The following B3GALT1 variants were observed in gnomAD, a reference collection of about 807,000 sequenced individuals.
B3GALT1 encodes beta-1,3-galactosyltransferase 1, also known as UDP-Gal:betaGlcNAc beta 1,3-galactosyltransferase, polypeptide 1.
Under a neutral mutation model 23.2 loss-of-function variants are expected in B3GALT1, and 10 were observed. The observed-to-expected ratio is 0.43, with a 90% CI of 0.27 to 0.73. The LOEUF is 0.73. B3GALT1 is among the 30% of genes least tolerant of loss of function. The pLI is 0.21. For missense variants in B3GALT1, 299 were observed against 405.4 expected (o/e 0.74, Z 2.25); for synonymous variants, 156 against 141.5 (o/e 1.10, Z -0.73).
At chr2:167,677,955 T>C (rs1216547687) in intron 3 of B3GALT1, among the ~76,000 whole-genome samples, 2 of 152,142 alleles carry the variant, frequency 1.3e-5, no homozygotes, top group Admixed American at 6.5e-5. Context: ...ACTATCATGA[T>C]AACAGCATGA....
chr2:167,328,959 C>A (rs1006637547), intron 1 of B3GALT1, among the ~76,000 whole-genome samples: 6 of 152,008 alleles, frequency 3.9e-5, no homozygotes, highest in Non-Finnish European at 8.8e-5. Context: ...TCTACAGGGG[C>A]GCACCACCAC....
chr2:167,626,692 AT>A (rs1685353524), intron 2 of B3GALT1, among the ~76,000 whole-genome samples: 1 of 151,828 alleles, frequency 6.6e-6, no homozygotes, highest in African/African-American at 2.4e-5. Context: ...AAAGTTAAAC[AT>A]TGAAAAAATA....
chr2:167,511,667 A>G (rs1270805620), intron 2 of B3GALT1, among the ~76,000 whole-genome samples: 1 of 152,182 alleles, frequency 6.6e-6, no homozygotes, highest in Admixed American at 6.5e-5. Context: ...TTTTTTTTTA[A>G]TTAGGAAAGT....
chr2:167,451,430 T>C (rs1448761572), intron 1 of B3GALT1, among the ~76,000 whole-genome samples: 1 of 152,166 alleles, frequency 6.6e-6, no homozygotes. Context: ...GGATGTGGCT[T>C]CCTGACAGGT....
chr2:167,844,787 C>T (rs1458316124), intron 4 of B3GALT1, among the ~76,000 whole-genome samples: 1 of 152,182 alleles, frequency 6.6e-6, no homozygotes, highest in Non-Finnish European at 1.5e-5. Flanking sequence ...TGTGCAGACT[C>T]CACAGGCAGG....
chr2:167,408,816 A>G (rs1283952086), intron 1 of B3GALT1, among the ~76,000 whole-genome samples: 1 of 151,352 alleles, frequency 6.6e-6, no homozygotes, highest in Admixed American at 6.6e-5. Flanking sequence ...AAAAAAAACA[A>G]AAGACAAACA....
At chr2:167,487,371 C>T (rs1314436880) in intron 1 of B3GALT1, among the ~76,000 whole-genome samples, 3 of 152,130 alleles carry the variant, frequency 2.0e-5, no homozygotes, top group African/African-American at 2.4e-5. Flanking sequence ...CATTCCAAAG[C>T]GTATTTTTGA....
At chr2:167,470,080 A>G in intron 1 of B3GALT1, among the ~76,000 whole-genome samples, 1 of 152,172 alleles carries the variant, frequency 6.6e-6, no homozygotes, top group East Asian at 1.9e-4. Context: ...ATCCTGATAT[A>G]TATCTGTGAG....
chr2:167,652,434 AGCAT>A (rs1685884693), intron 3 of B3GALT1, among the ~76,000 whole-genome samples: 1 of 152,238 alleles, frequency 6.6e-6, no homozygotes, highest in South Asian at 2.1e-4. Flanking sequence ...ACAAGCTTGC[AGCAT>A]TGTGAGAATT....
intron 1 of B3GALT1, among the ~76,000 whole-genome samples, chr2:167,406,183 T>C (rs1473362697): frequency 6.6e-6 from 1 of 152,022 alleles, no homozygotes; most frequent in Non-Finnish European, 1.5e-5. Flanking sequence ...TAGAAATAAA[T>C]GTGAAGGGCA....
At chr2:167,477,475 T>C (rs994536813) in intron 1 of B3GALT1, among the ~76,000 whole-genome samples, 1 of 152,176 alleles carries the variant, frequency 6.6e-6, no homozygotes, top group Non-Finnish European at 1.5e-5. Context: ...ATTAGGTGAT[T>C]AGACAGAAGA....
chr2:167,784,831 A>G (rs1479857739), intron 3 of B3GALT1, among the ~76,000 whole-genome samples: 2 of 152,262 alleles, frequency 1.3e-5, no homozygotes, highest in Non-Finnish European at 2.9e-5. Flanking sequence ...TGATAAGAAT[A>G]GAAAAGACCC....
intron 2 of B3GALT1, among the ~76,000 whole-genome samples, chr2:167,563,898 G>A (rs1261925774): frequency 2.1e-3 from 6 of 2,812 alleles, no homozygotes; most frequent in African/African-American, 6.4e-3. Flanking sequence ...CGGCCGGCCG[G>A]GCGGGGCCGA....
intron 4 of B3GALT1, among the ~76,000 whole-genome samples, chr2:167,861,124 G>A (rs1434249110): frequency 6.6e-6 from 1 of 152,156 alleles, no homozygotes; most frequent in African/African-American, 2.4e-5. Context: ...AAACCATCAT[G>A]ATTTCAAGTA....
intron 1 of B3GALT1, among the ~76,000 whole-genome samples, chr2:167,318,153 C>T (rs1696748097): frequency 6.6e-6 from 1 of 151,756 alleles, no homozygotes; most frequent in South Asian, 2.1e-4. Context: ...GTGAGGAAAC[C>T]CCGTCTCTAC....
intron 3 of B3GALT1, among the ~76,000 whole-genome samples, chr2:167,807,534 C>G (rs1309512616): frequency 6.6e-6 from 1 of 151,792 alleles, no homozygotes; most frequent in Non-Finnish European, 1.5e-5. Flanking sequence ...TCGTTGGTTT[C>G]AAAGAACATC....
intron 1 of B3GALT1, among the ~76,000 whole-genome samples, chr2:167,470,472 G>C (rs184258333): frequency 6.6e-6 from 1 of 152,102 alleles, no homozygotes; most frequent in Non-Finnish European, 1.5e-5. Context: ...TTGGAATACT[G>C]TAAAGAATTG....
chr2:167,528,437 A>G (rs116716657), intron 2 of B3GALT1, among the ~76,000 whole-genome samples: 1,809 of 152,076 alleles, frequency 0.012, 34 homozygotes, highest in African/African-American at 0.041. Flanking sequence ...TCACTGTCAT[A>G]TTGCTCTGTT....
chr2:167,388,820 A>G (rs1005889112), intron 1 of B3GALT1, among the ~76,000 whole-genome samples: 4 of 152,184 alleles, frequency 2.6e-5, no homozygotes, highest in East Asian at 1.9e-4. Context: ...CTTCTGTACT[A>G]TAATAAGAAT....
Sources: allele counts gnomAD v4.1 joint callset (sites outside exome capture counted in the v4.1 genomes callset), GRCh38; gene constraint gnomAD v4.1.1; transcripts MANE v1.5; gene names NCBI Gene and HGNC (gene_info 2026-07-23, HGNC 2026-07-21).